ASB15: variants seen among roughly 807,000 people sequenced by gnomAD.
ASB15 encodes ankyrin repeat and SOCS box containing 15.
ASB15 carries 54 observed loss-of-function variants against 58.0 expected under a neutral mutation model. That is an observed-to-expected ratio of 0.93 (90% CI 0.75 to 1.17). The LOEUF (loss-of-function observed/expected upper bound fraction) is 1.17. Ranked by LOEUF, ASB15 falls within the 50% of genes most tolerant of loss-of-function variation. ASB15 has a pLI of 0.00. For synonymous variants in ASB15, 249 were observed against 262.4 expected (o/e 0.95, Z 0.50); for missense variants, 680 against 707.4 (o/e 0.96, Z 0.44).
intron 1 of ASB15, among the ~76,000 whole-genome samples, chr7:123,586,017 T>C (rs1335520440): frequency 6.6e-6 from 1 of 151,864 alleles, no homozygotes; most frequent in African/African-American, 2.4e-5. Flanking sequence ...TTGCTTATTC[T>C]GAATAATGCT....
chr7:123,574,206 TTC>T (rs1423883441), intron 1 of ASB15, among the ~76,000 whole-genome samples: 1 of 152,036 alleles, frequency 6.6e-6, no homozygotes, highest in African/African-American at 2.4e-5. Context: ...TCCTTTTTTT[TTC>T]TTTTTTTTTT....
rs1430955290 is a variant in ASB15 at position 123,628,930 on chromosome 7, T to A, written c.936T>A (p.Ile312=). 17 of 1,604,812 alleles carry A rather than the reference T, an allele frequency of 1.1e-5. No individual in the cohort carries two copies. The highest frequency in any genetic ancestry group is 1.4e-5 in the Non-Finnish European group (17 of 1,176,060). The part of the protein sequence containing the change: ...NAIRKSGLTP[I]HSAADGQNAQ... The stretch of plus-strand genomic sequence containing the variant: ...TTCGGAAAAGTGGGCTAACACCAAT[T>A]CACTCAGCAGCAGATGGACAAAATG... The change falls in exon 10 of 12, where the codon ATT becomes ATA. Residue 312 remains isoleucine (I), a synonymous_variant. Transcript: ENST00000451215.
intron 10 of ASB15, 111 bp from the exon 11 acceptor site, chr7:123,629,851 GGAGA>G (rs1802026768): frequency 1.3e-6 from 1 of 798,984 alleles, no homozygotes; most frequent in African/African-American, 1.8e-5. Flanking sequence ...TTCATTACAA[GGAGA>G]GATCTTTTAT....
intron 1 of ASB15, among the ~76,000 whole-genome samples, chr7:123,570,136 A>G (rs957094643): frequency 6.9e-6 from 1 of 144,188 alleles, no homozygotes; most frequent in African/African-American, 2.6e-5. Flanking sequence ...CCGGGTTCAC[A>G]CCATTCTCCT....
intron 1 of ASB15, among the ~76,000 whole-genome samples, chr7:123,595,867 G>T (rs576521026): frequency 6.6e-6 from 1 of 152,190 alleles, no homozygotes; most frequent in South Asian, 2.1e-4. Flanking sequence ...AAATTACCCA[G>T]ACATTCCAAG....
intron 1 of ASB15, among the ~76,000 whole-genome samples, chr7:123,594,429 G>C (rs1799636133): frequency 6.6e-6 from 1 of 152,074 alleles, no homozygotes; most frequent in Non-Finnish European, 1.5e-5. Context: ...ATTTGCCTTT[G>C]GTCTTTGTTG....
intron 1 of ASB15, among the ~76,000 whole-genome samples, chr7:123,592,901 G>C (rs183114410): frequency 1.1e-4 from 16 of 151,860 alleles, no homozygotes; most frequent in African/African-American, 3.9e-4. Context: ...TTGTGTGGGA[G>C]TCTAAGTCTC....
At chr7:123,605,665 A>T (rs890389904) in intron 2 of ASB15, among the ~76,000 whole-genome samples, 2 of 152,304 alleles carry the variant, frequency 1.3e-5, no homozygotes, top group East Asian at 1.9e-4. Flanking sequence ...AGCCAGCCAC[A>T]AAAAAGAATG....
rs556818372 is a variant in ASB15 at position 123,616,202 on chromosome 7, A to T, written c.108-19A>T. On this transcript the variant is annotated intron_variant, in intron 4 of 11. Transcript: ENST00000451215. ...ATCACTAGTATCTAGTATAAATATT[A>T]TTTTTCTTTATCTCATAGATTTGTA... 1 of 1,553,398 alleles carries T rather than the reference A, an allele frequency of 6.4e-7. No individual in the cohort carries two copies. The highest frequency in any genetic ancestry group is 2.2e-5 in the East Asian group (1 of 44,474).
chr7:123,627,202 G>A lies in ASB15; in HGVS notation c.790G>A (p.Glu264Lys), dbSNP rs1801847999. The change falls in exon 9 of 12, where the codon GAA becomes AAA. Residue 264 changes from glutamate (E) to lysine (K), a missense_variant. Transcript: ENST00000451215. ...TCCCGACTGCATTTCCCTCCTGCTG[G>A]AATATGGAGGAAGCGGAAATGTACC... is the stretch of plus-strand genomic sequence containing the variant. ...GNPDCISLLL[E>K]YGGSGNVPNR... 4 of 1,613,736 alleles carry A rather than the reference G, an allele frequency of 2.5e-6. No individual in the cohort carries two copies. Among genetic ancestry groups the A allele is most frequent in the Non-Finnish European group, 2.5e-6 (3 of 1,179,824 alleles).
rs563481490 is a variant in ASB15 at position 123,582,293 on chromosome 7, C to A, written c.-443+15205C>A. The stretch of plus-strand genomic sequence containing the variant: ...GAGATGGGGAGGGGGGGTTGCATTA[C>A]AATATCCAAAGGGAGTGAGTGCTTC... On this transcript the variant is annotated intron_variant, in intron 1 of 13. Coordinates refer to the ASB15 transcript ENST00000451558. Among the ~76,000 whole-genome samples, 178 of 151,836 alleles carry A rather than the reference C, an allele frequency of 1.2e-3. 1 individual carries two copies. The highest frequency in any genetic ancestry group is 4.2e-3 in the African/African-American group (175 of 41,456).
At chr7:123,600,704 T>C (rs1216855274), upstream of ASB15, among the ~76,000 whole-genome samples, 1 of 152,210 alleles carries the variant, frequency 6.6e-6, no homozygotes, top group African/African-American at 2.4e-5. Flanking sequence ...GCTTTGAAGA[T>C]GACTGAAACG....
intron 1 of ASB15, among the ~76,000 whole-genome samples, chr7:123,585,723 A>T (rs905695300): frequency 6.6e-6 from 1 of 151,644 alleles, no homozygotes; most frequent in African/African-American, 2.4e-5. Flanking sequence ...ATTATCATTA[A>T]CTATAGTTAC....
Position 123,614,611 on chromosome 7 carries a change from T to C in ASB15, c.107+2T>C. The C allele has an allele frequency of 2.5e-6, 4 of 1,581,598 alleles. No homozygotes were observed. Among genetic ancestry groups the C allele is most frequent in the South Asian group, 1.1e-5 (1 of 89,868 alleles). On this transcript the variant is annotated splice_donor_variant, in intron 4 of 11. Transcript: ENST00000451215. LOFTEE classifies it high-confidence loss of function. ...CAAGACTGCACTTTGTCCTGAAAGG[T>C]AGTATTCAAACCAACTATCCTCAGC... is the stretch of plus-strand genomic sequence containing the variant.
At chr7:123,621,431 C>T (rs1353348447) in intron 7 of ASB15, 3 of 152,164 alleles carry the variant, frequency 2.0e-5, no homozygotes, top group Non-Finnish European at 2.9e-5. Flanking sequence ...CATGCCAAGT[C>T]TTCTTAGGTT....
At chr7:123,571,998 G>A (rs1798920057) in intron 1 of ASB15, among the ~76,000 whole-genome samples, 1 of 151,954 alleles carries the variant, frequency 6.6e-6, no homozygotes, top group Admixed American at 6.6e-5. Context: ...ATCTTGCCCA[G>A]GCTAGTCTCA....
chr7:123,571,946 T>C (rs1228705907), intron 1 of ASB15, among the ~76,000 whole-genome samples: 1 of 151,734 alleles, frequency 6.6e-6, no homozygotes, highest in Non-Finnish European at 1.5e-5. Context: ...GTTTTTTTAA[T>C]GTTTTTATAG....
intron 3 of ASB15, among the ~76,000 whole-genome samples, chr7:123,611,465 T>C (rs2116481133): frequency 7.0e-6 from 1 of 143,202 alleles, no homozygotes; most frequent in East Asian, 2.4e-4. Context: ...TAATTTTTTT[T>C]GTATTTTTTT....
intron 10 of ASB15, 62 bp from the exon 11 acceptor site, chr7:123,629,904 T>C (rs1454452306): frequency 1.8e-6 from 2 of 1,120,002 alleles, no homozygotes; most frequent in African/African-American, 2.2e-5. Flanking sequence ...CATAACACAA[T>C]TGAGTGTTTA....
Sources: allele counts gnomAD v4.1 joint callset (sites outside exome capture counted in the v4.1 genomes callset), GRCh38; gene constraint gnomAD v4.1.1; transcripts MANE v1.5; gene names NCBI Gene and HGNC (gene_info 2026-07-23, HGNC 2026-07-21).